Variants in ATG2B observed in about 807,000 individuals in gnomAD.
The protein encoded by ATG2B is autophagy related 2B, also known as autophagy-related protein 2 homolog B.
In ATG2B, 121 loss-of-function variants were observed where a neutral mutation model predicts 241.3. That is an observed-to-expected ratio of 0.50 (90% CI 0.43 to 0.58). The LOEUF (loss-of-function observed/expected upper bound fraction) is 0.58. ATG2B is among the 20% of genes least tolerant of loss of function. The probability of loss-of-function intolerance (pLI) is 0.00; values close to 1 mark genes in which losing one functional copy is unlikely to be tolerated. For synonymous variants in ATG2B, 858 were observed against 876.6 expected (o/e 0.98, Z 0.37); for missense variants, 2,306 against 2,491.6 (o/e 0.93, Z 1.59).
At chr14:96,321,988 CACACAAAGT>C (rs1887470208) in intron 18 of ATG2B, 115 bp downstream of exon 18, 1 of 712,602 alleles carries the variant, frequency 1.4e-6, no homozygotes, top group African/African-American at 1.9e-5. Context: ...CCATCAACAC[CACACAAAGT>C]ACACAGAGAT....
intron 1 of ATG2B, 39 bp downstream of exon 1, chr14:96,362,776 G>T: frequency 6.3e-7 from 1 of 1,577,302 alleles, no homozygotes; most frequent in Non-Finnish European, 8.6e-7. Context: ...CCTAAAGAGG[G>T]GAGCGAGCCC....
chr14:96,307,318 G>T (rs1168527378), intron 29 of ATG2B, among the ~76,000 whole-genome samples: 1 of 152,080 alleles, frequency 6.6e-6, no homozygotes, highest in East Asian at 1.9e-4. Flanking sequence ...GGCCGAGGTA[G>T]GAGAATTGTT....
chr14:96,359,217 CA>C (rs1470197209), intron 1 of ATG2B, among the ~76,000 whole-genome samples: 3 of 151,834 alleles, frequency 2.0e-5, no homozygotes, highest in Non-Finnish European at 4.4e-5. Flanking sequence ...ACAAAAAATA[CA>C]AAAAGTAGCC....
intron 2 of ATG2B, among the ~76,000 whole-genome samples, chr14:96,345,895 A>G (rs1171227620): frequency 6.6e-6 from 1 of 152,138 alleles, no homozygotes; most frequent in Non-Finnish European, 1.5e-5. Flanking sequence ...ACAAAAACAG[A>G]CGACAGGACC....
Position 96,286,925 on chromosome 14 carries a change from T to C in ATG2B, c.6007-940A>G, listed in dbSNP as rs141058092. Among the ~76,000 whole-genome samples, 355 of 152,184 alleles carry C rather than the reference T, an allele frequency of 2.3e-3. 1 individual carries two copies. Among genetic ancestry groups the C allele is most frequent in the African/African-American group, 7.8e-3 (324 of 41,516 alleles). On this transcript the variant is annotated intron_variant, in intron 41 of 41. Transcript: ENST00000359933. ...ACAAGAGCGTCCTATCTACCCAGTA[T>C]ATCTGGCAAAAACGTAATACCACAG...
intron 33 of ATG2B, among the ~76,000 whole-genome samples, chr14:96,302,319 C>T (rs1441929683): frequency 6.6e-6 from 1 of 152,142 alleles, no homozygotes; most frequent in Non-Finnish European, 1.5e-5. Context: ...CACGGTGGCT[C>T]ATGCCAGTAA....
At chr14:96,356,047 T>G (rs966917816) in intron 1 of ATG2B, among the ~76,000 whole-genome samples, 1 of 151,812 alleles carries the variant, frequency 6.6e-6, no homozygotes, top group Non-Finnish European at 1.5e-5. Context: ...GGTGGGAGCC[T>G]GTAGTCCCAG....
chr14:96,290,033 C>G lies in ATG2B; in HGVS notation c.5857-228G>C, dbSNP rs760210708. On this transcript the variant is annotated intron_variant, in intron 40 of 41. Coordinates refer to ENST00000359933, the MANE Select transcript of ATG2B (RefSeq NM_018036.7). The surrounding 1 kb of genome is among the most constrained non-coding windows in gnomAD (Gnocchi z 4.4). Reference sequence around the variant, plus strand: ...CACCTGGATTGAGCTAAATTTTTAGCCCCTCCTCTGTTCACTGAGAACACT... The same window carrying G: ...CACCTGGATTGAGCTAAATTTTTAGGCCCTCCTCTGTTCACTGAGAACACT... 1.2e-4 allele frequency: 120 copies of G among 1,001,998 alleles called. No individual in the cohort carries two copies. The highest frequency in any genetic ancestry group is 1.5e-4 in the Non-Finnish European group (113 of 737,690). 62.1% of individuals were successfully genotyped at this position (1,001,998 alleles called of 1,614,324 possible).
At chr14:96,287,419 T>A (rs1245653454) in intron 41 of ATG2B, among the ~76,000 whole-genome samples, 2 of 152,216 alleles carry the variant, frequency 1.3e-5, no homozygotes, top group Middle Eastern at 3.4e-3. Flanking sequence ...CCACCAGCTC[T>A]CCTCCCTATC....
At chr14:96,315,361 G>A in intron 22 of ATG2B, 23 bp downstream of exon 22, 3 of 1,604,182 alleles carry the variant, frequency 1.9e-6, no homozygotes, top group Non-Finnish European at 2.6e-6. Context: ...ATCAACAGTG[G>A]CATAAAAGTA....
At chr14:96,329,670 GT>G in intron 11 of ATG2B, 36 bp from the exon 12 acceptor site, 1 of 1,386,874 alleles carries the variant, frequency 7.2e-7, no homozygotes, top group Non-Finnish European at 1.0e-6. Context: ...GATTATTAGT[GT>G]TAAAATGTAA....
chr14:96,340,562 G>C (rs1254537259), intron 6 of ATG2B, among the ~76,000 whole-genome samples: 1 of 151,974 alleles, frequency 6.6e-6, no homozygotes, highest in African/African-American at 2.4e-5. Flanking sequence ...GGGAACAGTG[G>C]GGAAATGAAG....
rs141284028 is a variant in ATG2B at position 96,289,697 on chromosome 14, G to C, written c.5965C>G (p.Leu1989Val). Residue 1989 changes from leucine to valine, a missense_variant, in exon 41 of 42, where the codon CTG becomes GTG. Leu to Val is a conservative substitution (Grantham distance 32). Transcript: ENST00000359933. The surrounding 1 kb of genome is among the most constrained non-coding windows in gnomAD (Gnocchi z 4.3). ...TAGGCCTTGGCCACACCTTCCCTCAGGTCTACTGGCTGGTGGGCTAACCGG... is the reference window on the plus strand; with the variant it reads ...TAGGCCTTGGCCACACCTTCCCTCACGTCTACTGGCTGGTGGGCTAACCGG... Reference protein sequence around the residue: ...HHRLAHQPVDLREGVAKAYSV... With the variant: ...HHRLAHQPVDVREGVAKAYSV... 6.3e-4 allele frequency: 1,010 copies of C among 1,614,194 alleles called. 2 individuals carry two copies. Among genetic ancestry groups the C allele is most frequent in the Non-Finnish European group, 7.1e-4 (843 of 1,180,024 alleles).
At chr14:96,293,153 T>A (rs1042078630) in intron 36 of ATG2B, 7 of 152,100 alleles carry the variant, frequency 4.6e-5, no homozygotes, top group Non-Finnish European at 8.8e-5. Context: ...TGAAACACAG[T>A]TTTCCCACAG....
intron 8 of ATG2B, 38 bp downstream of exon 8, chr14:96,333,650 A>G: frequency 6.4e-7 from 1 of 1,568,520 alleles, no homozygotes; most frequent in Non-Finnish European, 8.7e-7. Flanking sequence ...CTATGATTAT[A>G]ATATATGATT....
rs1049196406 is a variant in ATG2B at position 96,280,141 on chromosome 14, C to T, written c.*5614G>A. On this transcript the variant is annotated 3_prime_UTR_variant, in exon 42 of 42. Transcript: ENST00000359933. ...AAGAGGGGAGAGGGGCTGGAGACGC[C>T]AGGAAGAGATCAAGCACATTTTCTT... 1.1e-4 allele frequency: 16 copies of T among 152,264 alleles called. No homozygotes were observed. Among genetic ancestry groups the T allele is most frequent in the African/African-American group, 3.9e-4 (16 of 41,454 alleles). 9.4% of individuals were successfully genotyped at this position (152,264 alleles called of 1,614,324 possible).
Position 96,315,548 on chromosome 14 carries a change from G to A in ATG2B, c.3397C>T (p.Arg1133Ter), listed in dbSNP as rs1243193940. ...TGTGGGCGGGTTGAGCTGGGAAGTC[G>A]TGTTTCTGTCGGGAGAATCACTCCA... ...VNGVILPTET[R>*]LPSSTRPHWL... The change falls in exon 22 of 42, where the codon CGA becomes TGA. Residue 1133 changes from arginine (R) to a stop codon, truncating the protein, a stop_gained. Transcript: ENST00000359933. LOFTEE classifies it high-confidence loss of function. 3.7e-6 allele frequency: 6 copies of A among 1,613,848 alleles called. No homozygotes were observed. The highest frequency in any genetic ancestry group is 1.3e-5 in the African/African-American group (1 of 74,912).
chr14:96,293,530 G>T (rs1298895280), intron 36 of ATG2B, among the ~76,000 whole-genome samples: 1 of 152,168 alleles, frequency 6.6e-6, no homozygotes, highest in African/African-American at 2.4e-5. Context: ...TTGGAGGAAG[G>T]GGGCTCTCAT....
intron 1 of ATG2B, among the ~76,000 whole-genome samples, chr14:96,353,659 T>TATATAA (rs533244541): frequency 1.3e-5 from 2 of 148,768 alleles, no homozygotes; most frequent in Admixed American, 6.7e-5. Flanking sequence ...TATATATATA[T>TATATAA]AAATCATTAA....
Sources: gnomAD v4.1 joint callset for allele counts (sites outside exome capture counted in the v4.1 genomes callset) on GRCh38, gnomAD v4.1.1 for gene constraint, Gnocchi (gnomAD v3.1) non-coding constraint, MANE v1.5 for transcripts, NCBI Gene and HGNC (gene_info 2026-07-23, HGNC 2026-07-21) for gene names.